Variants in BICC1 observed in about 807,000 individuals in gnomAD.
BICC1 encodes protein bicaudal C homolog 1.
Under a neutral mutation model 111.0 loss-of-function variants are expected in BICC1, and 43 were observed. The observed-to-expected ratio is 0.39, with a 90% CI of 0.30 to 0.50. BICC1 has a LOEUF of 0.50. Among genes scored for constraint, BICC1 ranks in the 20% least tolerant of loss-of-function variants. The pLI is 0.88. For synonymous variants in BICC1, 467 were observed against 434.4 expected (o/e 1.07, Z -0.93); for missense variants, 1,091 against 1,203.2 (o/e 0.91, Z 1.38).
chr10:58,609,861 T>TA (rs943432462), intron 1 of BICC1, among the ~76,000 whole-genome samples: 24 of 152,158 alleles, frequency 1.6e-4, no homozygotes, highest in African/African-American at 5.6e-4. Flanking sequence ...GTTGTTTTTC[T>TA]AAAAAAACAT....
rs1843106387 is a variant in BICC1, at chr10:58,789,343, A to C, written c.682A>C (p.Ile228Leu). 1.9e-6 allele frequency: 3 copies of C among 1,614,002 alleles called. No homozygotes were observed. The highest frequency in any genetic ancestry group is 2.5e-6 in the Non-Finnish European group (3 of 1,179,940). ...QPVPDPNSPS[I>L]QHISQTYNIS... The stretch of plus-strand genomic sequence containing the variant: ...GGTTCCTGATCCTAATTCCCCCTCT[A>C]TTCAGCATATATCACAAACGTACAA... The change falls in exon 7 of 21, where the codon ATT becomes CTT. Residue 228 changes from isoleucine (I) to leucine (L), a missense_variant. By Grantham distance (5) the Ile-to-Leu change is conservative. Around this residue, in one of 3 missense-constraint regions of BICC1, gnomAD observed 843 missense variants for 900.8 expected, o/e 0.94. Coordinates refer to ENST00000373886, the MANE Select transcript of BICC1 (RefSeq NM_001080512.3).
In BICC1 at chr10:58,746,281, C is replaced by T. The variant is rs546468876; in HGVS notation, c.308-38720C>T. Reference sequence around the variant, plus strand: ...TATTACAATTTAGGGTGAGCAAAGACTTAAAACAATGTATTAATATTTGTG... The same window carrying T: ...TATTACAATTTAGGGTGAGCAAAGATTTAAAACAATGTATTAATATTTGTG... On this transcript the variant is annotated intron_variant, in intron 3 of 20. Transcript: ENST00000373886. 3.7e-4 allele frequency among the ~76,000 whole-genome samples: 56 copies of T among 152,228 alleles called. No homozygotes were observed. The South Asian group carries it at 0.011, about 29-fold the overall frequency.
chr10:58,781,247 C>A (rs916216364), intron 3 of BICC1, among the ~76,000 whole-genome samples: 2 of 152,048 alleles, frequency 1.3e-5, no homozygotes, highest in African/African-American at 4.8e-5. Context: ...TTGGAAAGTA[C>A]CACACACACA....
intron 2 of BICC1, among the ~76,000 whole-genome samples, chr10:58,680,255 A>G (rs567369711): frequency 6.6e-6 from 1 of 152,312 alleles, no homozygotes; most frequent in Admixed American, 6.5e-5. Flanking sequence ...TGCAGATGAC[A>G]TGCCTGTATA....
At chr10:58,527,452 T>C (rs1842574289) in intron 1 of BICC1, among the ~76,000 whole-genome samples, 1 of 152,214 alleles carries the variant, frequency 6.6e-6, no homozygotes, top group Admixed American at 6.5e-5. Flanking sequence ...AAATTTGGCT[T>C]TTGTTGCCAT....
intron 1 of BICC1, among the ~76,000 whole-genome samples, chr10:58,566,247 T>C (rs959355084): frequency 2.0e-5 from 3 of 150,670 alleles, no homozygotes; most frequent in African/African-American, 7.3e-5. Flanking sequence ...TGTACACACG[T>C]GCATATACAT....
chr10:58,735,212 TG>T (rs1322637139), intron 3 of BICC1, among the ~76,000 whole-genome samples: 1 of 152,238 alleles, frequency 6.6e-6, no homozygotes, highest in Non-Finnish European at 1.5e-5. Context: ...TTTTCTGTTT[TG>T]GTGACTGCAA....
At chr10:58,618,828 G>A (rs1383961614) in intron 1 of BICC1, among the ~76,000 whole-genome samples, 1 of 152,230 alleles carries the variant, frequency 6.6e-6, no homozygotes, top group East Asian at 1.9e-4. Context: ...AATTTGAAGT[G>A]GTTTTCACTG....
intron 1 of BICC1, 66 bp downstream of exon 1, chr10:58,513,399 C>T: frequency 2.1e-6 from 3 of 1,399,180 alleles, no homozygotes; most frequent in African/African-American, 1.5e-5. Context: ...ACATCCCCAC[C>T]GCGCGCTCCG....
chr10:58,799,287 G>C lies in BICC1; in HGVS notation c.1725+35G>C, dbSNP rs2893789. ...TTCTGCCAGAATGTGTGTGTGATCT[G>C]TACTGTTTGTAAGAGACAAACCCCT... On this transcript the variant is annotated intron_variant, in intron 12 of 20. Coordinates refer to ENST00000373886, the MANE Select transcript of BICC1 (RefSeq NM_001080512.3). 0.79 allele frequency: 1,197,928 copies of C among 1,514,022 alleles called. 474,887 individuals carry two copies. The highest frequency in any genetic ancestry group is 0.83 in the East Asian group (34,092 of 41,262). 93.8% of individuals were successfully genotyped at this position (1,514,022 alleles called of 1,614,324 possible). A position where few individuals can be genotyped will look rare whatever the true frequency, so the allele number is the denominator to read the frequency against.
At chr10:58,525,718 T>A (rs28426375) in intron 1 of BICC1, among the ~76,000 whole-genome samples, 69,246 of 149,712 alleles carry the variant, frequency 0.46, 17,001 homozygotes, top group Admixed American at 0.62. Context: ...ATAAAAAAAA[T>A]TTTTTAAAGC....
intron 2 of BICC1, 130 bp from the exon 3 acceptor site, chr10:58,701,944 T>C: frequency 1.6e-6 from 1 of 628,848 alleles, no homozygotes; most frequent in South Asian, 2.4e-5. Context: ...TTTGCATTGT[T>C]TTCAAATGAG....
chr10:58,811,668 G>A (rs1392560969), intron 17 of BICC1, among the ~76,000 whole-genome samples: 1 of 152,122 alleles, frequency 6.6e-6, no homozygotes. Flanking sequence ...TACTTTCTCA[G>A]ATGGAGCTTT....
At chr10:58,769,482 T>G (rs1378588100) in intron 3 of BICC1, among the ~76,000 whole-genome samples, 1 of 149,342 alleles carries the variant, frequency 6.7e-6, no homozygotes, top group African/African-American at 2.4e-5. Context: ...ACTCCTAAGC[T>G]TGAAAACTCA....
At chr10:58,552,766 TC>T (rs1843330132) in intron 1 of BICC1, among the ~76,000 whole-genome samples, 1 of 152,154 alleles carries the variant, frequency 6.6e-6, no homozygotes, top group African/African-American at 2.4e-5. Context: ...TCTCTAGGTC[TC>T]AGTTGAACAC....
chr10:58,807,845 C>T (rs1210991432), intron 17 of BICC1, among the ~76,000 whole-genome samples: 3 of 152,134 alleles, frequency 2.0e-5, no homozygotes, highest in East Asian at 1.9e-4. Context: ...AGAGAGCGTG[C>T]ACACATACAC....
intron 1 of BICC1, among the ~76,000 whole-genome samples, chr10:58,599,721 G>C (rs940058962): frequency 2.0e-5 from 3 of 152,066 alleles, no homozygotes; most frequent in African/African-American, 7.2e-5. Context: ...CCAGAAAGGG[G>C]TTGGGGACAG....
At position 58,769,682 on chromosome 10, in the gene BICC1, G is replaced by A. The variant is rs578043697; in HGVS notation, c.308-15319G>A. ...TTACATAAACAGTTCTAAACCTAGG[G>A]ATCAATTATTGTTATTTTTGTTTAG... On this transcript the variant is annotated intron_variant, in intron 3 of 20. Transcript: ENST00000373886. 7.9e-5 allele frequency among the ~76,000 whole-genome samples: 12 copies of A among 151,850 alleles called. No individual in the cohort carries two copies. The South Asian group carries it at 1.7e-3, about 21-fold the overall frequency.
At position 58,803,779 on chromosome 10, in the gene BICC1, A is replaced by G. The variant is rs1036814320; in HGVS notation, c.2181+537A>G. On this transcript the variant is annotated intron_variant, in intron 15 of 20. Coordinates refer to ENST00000373886, the MANE Select transcript of BICC1 (RefSeq NM_001080512.3). ...TTCCTTTAAATAATTTTTATGATTA[A>G]ACAACTTCCTCAATAGGAACTTTCT... 3.7e-4 allele frequency among the ~76,000 whole-genome samples: 56 copies of G among 152,226 alleles called. 1 individual carries two copies. Among genetic ancestry groups the G allele is most frequent in the Admixed American group, 3.3e-4 (5 of 15,280 alleles).
Sources: gnomAD v4.1 joint callset for allele counts (sites outside exome capture counted in the v4.1 genomes callset) on GRCh38, gnomAD v4.1.1 for gene constraint, gnomAD v4.1.1 regional missense constraint, MANE v1.5 for transcripts, NCBI Gene and HGNC (gene_info 2026-07-23, HGNC 2026-07-21) for gene names.